The following CPQ variants were observed in gnomAD, a reference collection of about 807,000 sequenced individuals.
The protein encoded by CPQ is carboxypeptidase Q, also known as Ser-Met dipeptidase.
In CPQ, 37 loss-of-function variants were observed where a neutral mutation model predicts 45.7. That is an observed-to-expected ratio of 0.81 (90% CI 0.62 to 1.07). The LOEUF is 1.07. Among genes scored for constraint, CPQ ranks in the 50% least tolerant of loss-of-function variants. The probability of loss-of-function intolerance (pLI) is 0.00; values close to 1 mark genes in which losing one functional copy is unlikely to be tolerated. For synonymous variants in CPQ, 186 were observed against 205.8 expected (o/e 0.90, Z 0.82); for missense variants, 537 against 572.9 (o/e 0.94, Z 0.64).
intron 7 of CPQ, among the ~76,000 whole-genome samples, chr8:97,137,299 C>T (rs1261446244): frequency 6.6e-6 from 1 of 152,166 alleles, no homozygotes; most frequent in Non-Finnish European, 1.5e-5. Flanking sequence ...GACCACCATG[C>T]CGTGTCTTTA....
At chr8:96,892,912 A>G (rs1047232421) in intron 4 of CPQ, among the ~76,000 whole-genome samples, 3 of 152,236 alleles carry the variant, frequency 2.0e-5, no homozygotes, top group African/African-American at 7.2e-5. Context: ...TGATGGAGCC[A>G]TTTAATAATA....
chr8:96,698,622 A>G (rs1041100696), intron 1 of CPQ, among the ~76,000 whole-genome samples: 1 of 152,210 alleles, frequency 6.6e-6, no homozygotes, highest in African/African-American at 2.4e-5. Context: ...TAGCCATAAT[A>G]TGTAAGCAGC....
At chr8:96,803,211 C>A (rs1171748528) in intron 2 of CPQ, among the ~76,000 whole-genome samples, 1 of 152,194 alleles carries the variant, frequency 6.6e-6, no homozygotes, top group East Asian at 1.9e-4. Flanking sequence ...TTCAAATGAT[C>A]AGGCAGAGTT....
chr8:96,803,899 G>A (rs1327673731), intron 2 of CPQ, among the ~76,000 whole-genome samples: 1 of 152,196 alleles, frequency 6.6e-6, no homozygotes, highest in Non-Finnish European at 1.5e-5. Flanking sequence ...TAGGTGATCA[G>A]TAATTGGTTG....
chr8:96,747,774 T>C (rs976301161), intron 1 of CPQ, among the ~76,000 whole-genome samples: 5 of 152,184 alleles, frequency 3.3e-5, no homozygotes, highest in African/African-American at 1.2e-4. Context: ...GCCAGGTTAT[T>C]TGTTAAAAGT....
In CPQ at chr8:96,975,432, T is replaced by A. The variant is rs548323169; in HGVS notation, c.961+9386T>A. 3.3e-5 allele frequency among the ~76,000 whole-genome samples: 5 copies of A among 152,160 alleles called. No individual in the cohort carries two copies. In the South Asian group the frequency reaches 1.0e-3, roughly 32 times the overall value. On this transcript the variant is annotated intron_variant, in intron 5 of 7. Transcript: ENST00000220763. ...AAAAAAGAACTGGTACCAATTCTACTATTTCAAAGGATAAGGAAATAGAGA... is the reference window on the plus strand; with the variant it reads ...AAAAAAGAACTGGTACCAATTCTACAATTTCAAAGGATAAGGAAATAGAGA...
intron 1 of CPQ, among the ~76,000 whole-genome samples, chr8:96,744,981 A>G (rs372646287): frequency 7.9e-5 from 12 of 152,184 alleles, no homozygotes; most frequent in African/African-American, 2.7e-4. Context: ...ATGGCCCCCA[A>G]TAGCATAGTG....
At chr8:96,708,433 GTGTGTA>G (rs57861125) in intron 1 of CPQ, among the ~76,000 whole-genome samples, 41,232 of 126,198 alleles carry the variant, frequency 0.33, 5,734 homozygotes, top group East Asian at 0.59. Context: ...GTGTGTGTGT[GTGTGTA>G]TATATATATA....
At chr8:97,071,063 G>A (rs144985311) in intron 7 of CPQ, among the ~76,000 whole-genome samples, 110 of 152,254 alleles carry the variant, frequency 7.2e-4, no homozygotes, top group Middle Eastern at 3.4e-3. Context: ...TATCTGCCAA[G>A]AAGAGTTTAC....
At chr8:96,773,304 A>T (rs557954341) in intron 1 of CPQ, among the ~76,000 whole-genome samples, 65 of 152,370 alleles carry the variant, frequency 4.3e-4, no homozygotes, top group African/African-American at 1.5e-3. Context: ...GGTGAATTTT[A>T]TAAAAGTAAA....
chr8:96,958,904 G>C (rs1374260670), intron 4 of CPQ, among the ~76,000 whole-genome samples: 3 of 129,550 alleles, frequency 2.3e-5, no homozygotes, highest in Non-Finnish European at 3.2e-5. Flanking sequence ...ACACCCAACA[G>C]CTTCACTGAA....
At chr8:96,784,196 T>C (rs1810727390) in intron 1 of CPQ, among the ~76,000 whole-genome samples, 1 of 152,186 alleles carries the variant, frequency 6.6e-6, no homozygotes, top group Admixed American at 6.5e-5. Context: ...TTATTTATTA[T>C]GTAGGTGGTG....
chr8:96,986,503 A>G (rs1035846602), intron 5 of CPQ, among the ~76,000 whole-genome samples: 2 of 151,526 alleles, frequency 1.3e-5, no homozygotes, highest in African/African-American at 4.9e-5. Context: ...CCTTATTCCC[A>G]CTCTCTCAAA....
intron 7 of CPQ, among the ~76,000 whole-genome samples, chr8:97,082,943 G>T (rs1054362307): frequency 6.6e-6 from 1 of 152,084 alleles, no homozygotes; most frequent in Admixed American, 6.6e-5. Context: ...ACCACAAAAG[G>T]CCCAGAAACA....
intron 6 of CPQ, among the ~76,000 whole-genome samples, chr8:97,032,336 A>C (rs1007854181): frequency 6.6e-6 from 1 of 152,192 alleles, no homozygotes; most frequent in Non-Finnish European, 1.5e-5. Context: ...TTGAGTATTG[A>C]CATCCAGCTG....
chr8:96,813,124 C>T (rs1235600434), intron 2 of CPQ, among the ~76,000 whole-genome samples: 1 of 152,122 alleles, frequency 6.6e-6, no homozygotes, highest in Admixed American at 6.6e-5. Context: ...TTCAGCATGG[C>T]AGGTGGAGGC....
intron 2 of CPQ, among the ~76,000 whole-genome samples, chr8:96,788,077 T>C (rs1056483461): frequency 3.3e-5 from 5 of 151,698 alleles, no homozygotes; most frequent in African/African-American, 1.2e-4. Context: ...TTCTTTTCTT[T>C]CTTTCTTTTT....
At chr8:96,702,728 A>G (rs1490352120) in intron 1 of CPQ, among the ~76,000 whole-genome samples, 1 of 152,164 alleles carries the variant, frequency 6.6e-6, no homozygotes, top group Non-Finnish European at 1.5e-5. Flanking sequence ...TTTCAAATGC[A>G]GGATTTATAT....
intron 4 of CPQ, among the ~76,000 whole-genome samples, chr8:96,924,509 T>C (rs932788385): frequency 3.3e-5 from 5 of 152,150 alleles, no homozygotes; most frequent in African/African-American, 1.2e-4. Context: ...GAAAAGAATA[T>C]TTTGCAACTC....
Sources: allele counts gnomAD v4.1 joint callset (sites outside exome capture counted in the v4.1 genomes callset), GRCh38; gene constraint gnomAD v4.1.1; transcripts MANE v1.5; gene names NCBI Gene and HGNC (gene_info 2026-07-23, HGNC 2026-07-21).